The following PCDH15 variants were observed in gnomAD, a reference collection of about 807,000 sequenced individuals.
PCDH15 encodes protocadherin-15.
PCDH15 carries 129 observed loss-of-function variants against 178.5 expected under a neutral mutation model. The ratio of observed to expected loss-of-function variants is 0.72; its 90% CI spans 0.63 to 0.84. PCDH15 has a LOEUF of 0.84. PCDH15 is among the 40% of genes least tolerant of loss of function. PCDH15 has a pLI of 0.00. For missense variants in PCDH15, 2,230 were observed against 2,099.9 expected, an observed-to-expected ratio of 1.06 and a Z score of -1.21; for synonymous variants, 800 against 732.0, an observed-to-expected ratio of 1.09 and a Z score of -1.50.
chr10:55,095,742 G>A (rs1842435218), intron 2 of PCDH15, among the ~76,000 whole-genome samples: 1 of 152,040 alleles, frequency 6.6e-6, no homozygotes, highest in African/African-American at 2.4e-5. Flanking sequence ...TACTTTAACA[G>A]TGATAACAGG....
chr10:54,352,968 T>G lies in PCDH15; in HGVS notation c.475-6484A>C, dbSNP rs1199685114. 2.6e-5 allele frequency among the ~76,000 whole-genome samples: 4 copies of G among 152,116 alleles called. No homozygotes were observed. In the South Asian group the frequency reaches 8.3e-4, roughly 31 times the overall value. On this transcript the variant is annotated intron_variant, in intron 5 of 37. Coordinates refer to ENST00000644397, the MANE Select transcript of PCDH15 (RefSeq NM_001384140.1). Reference sequence around the variant, plus strand: ...GGAAATATGCTTTAGAAATGGTAAATTTAGAAATTTTAAACCAAAGATTCT... The same window carrying G: ...GGAAATATGCTTTAGAAATGGTAAAGTTAGAAATTTTAAACCAAAGATTCT...
intron 1 of PCDH15, among the ~76,000 whole-genome samples, chr10:54,745,371 C>G (rs1431668107): frequency 8.8e-5 from 4 of 45,208 alleles, no homozygotes; most frequent in African/African-American, 2.8e-4. Flanking sequence ...TATATACACA[C>G]AGAAAAAAAA....
intron 2 of PCDH15, among the ~76,000 whole-genome samples, chr10:55,075,389 TGGAG>T: frequency 7.1e-6 from 1 of 141,476 alleles, no homozygotes. Context: ...TTTTTTGAGA[TGGAG>T]TCTTGCTCAG....
chr10:54,458,069 A>G (rs2076939299), intron 3 of PCDH15, among the ~76,000 whole-genome samples: 1 of 152,154 alleles, frequency 6.6e-6, no homozygotes, highest in Non-Finnish European at 1.5e-5. Context: ...TTTCTTATGT[A>G]TGTTTTATGT....
chr10:54,213,396 T>C (rs2384420), intron 10 of PCDH15, among the ~76,000 whole-genome samples: 137,716 of 152,104 alleles, frequency 0.91, 62,547 homozygotes, highest in East Asian at 0.98. Flanking sequence ...AGCTTAGCTT[T>C]GAATTATTTC....
intron 3 of PCDH15, among the ~76,000 whole-genome samples, chr10:54,468,461 T>C (rs1403808968): frequency 1.3e-5 from 2 of 152,052 alleles, no homozygotes; most frequent in Non-Finnish European, 2.9e-5. Flanking sequence ...CAAATATTAA[T>C]ATAGTTTTCA....
intron 2 of PCDH15, chr10:55,468,559 T>G (rs1340234862): frequency 6.6e-6 from 1 of 152,186 alleles, no homozygotes; most frequent in Non-Finnish European, 1.5e-5. Context: ...TAGAAATACA[T>G]TTTTTTATCT....
chr10:55,224,636 T>A (rs1023189015), intron 1 of PCDH15, among the ~76,000 whole-genome samples: 1 of 152,110 alleles, frequency 6.6e-6, no homozygotes, highest in Non-Finnish European at 1.5e-5. Context: ...GACTAGTACA[T>A]AGCACACCAC....
chr10:55,534,270 T>A (rs759405440), intron 2 of PCDH15, among the ~76,000 whole-genome samples: 1 of 151,900 alleles, frequency 6.6e-6, no homozygotes. Flanking sequence ...GAAACTATCA[T>A]AGAGTAAACA....
chr10:54,833,180 C>T (rs961108652), intron 3 of PCDH15, among the ~76,000 whole-genome samples: 10 of 152,062 alleles, frequency 6.6e-5, no homozygotes, highest in Non-Finnish European at 1.0e-4. Flanking sequence ...GAGAAATAGA[C>T]TTTCAAGAAG....
chr10:53,957,757 G>C (rs1303612850), intron 23 of PCDH15, among the ~76,000 whole-genome samples: 2 of 151,874 alleles, frequency 1.3e-5, no homozygotes, highest in African/African-American at 2.4e-5. Context: ...GATAAGGAGG[G>C]GACTACTGTA....
At chr10:54,579,274 T>C (rs751015185) in intron 2 of PCDH15, among the ~76,000 whole-genome samples, 4 of 151,940 alleles carry the variant, frequency 2.6e-5, no homozygotes, top group Non-Finnish European at 5.9e-5. Context: ...ACAACACCCA[T>C]AGTTCAAGGT....
chr10:55,582,833 G>T (rs1842650734), intron 2 of PCDH15, among the ~76,000 whole-genome samples: 1 of 151,446 alleles, frequency 6.6e-6, no homozygotes, highest in South Asian at 2.1e-4. Flanking sequence ...AGTTATTGAT[G>T]AATATTTCAC....
chr10:54,708,806 G>A (rs959614735), intron 1 of PCDH15, among the ~76,000 whole-genome samples: 7 of 123,646 alleles, frequency 5.7e-5, no homozygotes, highest in East Asian at 1.9e-4. Context: ...GTGTGTGCGC[G>A]CGCGTGCGTG....
chr10:55,254,066 T>C (rs1049228789), intron 1 of PCDH15, among the ~76,000 whole-genome samples: 7 of 152,192 alleles, frequency 4.6e-5, no homozygotes, highest in African/African-American at 4.8e-5. Context: ...TGATTGTTAC[T>C]GGTAGAAGGC....
At chr10:54,847,012 T>G (rs1953530169) in intron 3 of PCDH15, among the ~76,000 whole-genome samples, 1 of 152,176 alleles carries the variant, frequency 6.6e-6, no homozygotes, top group African/African-American at 2.4e-5. Context: ...AAGATAATTT[T>G]GTGAAAAGTT....
At chr10:53,900,491 C>T (rs898663962) in intron 26 of PCDH15, among the ~76,000 whole-genome samples, 3 of 152,116 alleles carry the variant, frequency 2.0e-5, no homozygotes, top group African/African-American at 7.2e-5. Context: ...CCTGATGCTT[C>T]TTTCAATGCA....
At chr10:55,290,129 T>C (rs187227297) in intron 1 of PCDH15, among the ~76,000 whole-genome samples, 1 of 151,882 alleles carries the variant, frequency 6.6e-6, no homozygotes, top group African/African-American at 2.4e-5. Context: ...AACAAAGGCA[T>C]CTATCATTGT....
chr10:55,127,461 T>C (rs940070056), intron 2 of PCDH15, among the ~76,000 whole-genome samples: 2 of 152,064 alleles, frequency 1.3e-5, no homozygotes, highest in Non-Finnish European at 2.9e-5. Context: ...CACATATCTA[T>C]AGAATGGACT....
Sources: allele counts gnomAD v4.1 joint callset (sites outside exome capture counted in the v4.1 genomes callset), GRCh38; gene constraint gnomAD v4.1.1; transcripts MANE v1.5; gene names NCBI Gene and HGNC (gene_info 2026-07-23, HGNC 2026-07-21).